PRH1: variants seen among roughly 807,000 people sequenced by gnomAD.
PRH1 encodes proline rich protein HaeIII subfamily 1, also known as salivary acidic proline-rich phosphoprotein 1/2.
A neutral mutation model predicts 7.9 loss-of-function variants in PRH1; 7 were observed. The ratio of observed to expected loss-of-function variants is 0.89; its 90% CI spans 0.50 to 1.67. The LOEUF (loss-of-function observed/expected upper bound fraction) is 1.67. PRH1 is among the 40% of genes most tolerant of loss of function. The pLI is 0.00. For synonymous variants in PRH1, 45 were observed against 80.8 expected (o/e 0.56, Z 2.38); for missense variants, 109 against 223.6 (o/e 0.49, Z 3.27).
In PRH1 at chr12:11,141,438, A is replaced by C. The variant is rs1435372675; in HGVS notation, n.40-20258T>G. Among the ~76,000 whole-genome samples, 3 of 152,270 alleles carry C rather than the reference A, an allele frequency of 2.0e-5. No individual in the cohort carries two copies. The East Asian group carries it at 5.8e-4, about 29-fold the overall frequency. ...ATGGTTTAAGATGAGTAGATGTTAAAATCAGTCTCCAATCTTGGATTTTAT... is the reference window on the plus strand; with the variant it reads ...ATGGTTTAAGATGAGTAGATGTTAACATCAGTCTCCAATCTTGGATTTTAT... On this transcript the variant is annotated intron_variant and non_coding_transcript_variant, in intron 1 of 1. Transcript: ENST00000541175.
chr12:10,989,123 C>T (rs775826288), intron 1 of PRH1, among the ~76,000 whole-genome samples: 1 of 152,132 alleles, frequency 6.6e-6, no homozygotes. Flanking sequence ...TTTCTTTATA[C>T]ATTAACAACT....
intron 2 of PRH1, among the ~76,000 whole-genome samples, chr12:10,922,197 CCTT>C (rs1415273636): frequency 6.6e-6 from 1 of 152,136 alleles, no homozygotes; most frequent in Non-Finnish European, 1.5e-5. Context: ...CATATTAGCT[CCTT>C]CTTAACTTAT....
chr12:11,077,279 C>T (rs1463160312), intron 1 of PRH1: 1 of 236,636 alleles, frequency 4.2e-6, no homozygotes, highest in African/African-American at 2.5e-5. Context: ...AGTTTGTTTT[C>T]TGCTAGAAGA....
chr12:11,019,150 A>T (rs1224895636), intron 1 of PRH1, among the ~76,000 whole-genome samples: 1 of 152,296 alleles, frequency 6.6e-6, no homozygotes, highest in African/African-American at 2.4e-5. Flanking sequence ...AGGGAAATAG[A>T]AGACAGAAGA....
intron 1 of PRH1, among the ~76,000 whole-genome samples, chr12:10,995,734 T>C (rs1193036102): frequency 6.6e-6 from 1 of 152,090 alleles, no homozygotes; most frequent in African/African-American, 2.4e-5. Context: ...AACTGAAATA[T>C]ATAACATCAG....
At chr12:11,060,841 A>G (rs1943566290) in intron 1 of PRH1, among the ~76,000 whole-genome samples, 1 of 152,266 alleles carries the variant, frequency 6.6e-6, no homozygotes, top group South Asian at 2.1e-4. Flanking sequence ...TAAAACCTCA[A>G]AGACACATCC....
At chr12:11,128,119 A>G (rs147157717) in intron 1 of PRH1, among the ~76,000 whole-genome samples, 6 of 151,354 alleles carry the variant, frequency 4.0e-5, no homozygotes, top group East Asian at 3.9e-4. Context: ...TCAAAAAAAA[A>G]AAAAAGAAAA....
At chr12:11,170,021 G>A (rs1947767725) in intron 1 of PRH1, among the ~76,000 whole-genome samples, 1 of 152,336 alleles carries the variant, frequency 6.6e-6, no homozygotes, top group Non-Finnish European at 1.5e-5. Context: ...ACGGTGCGAT[G>A]TGTGGTATCT....
In PRH1 at chr12:11,087,886, G is replaced by C. The variant is rs531501714; in HGVS notation, n.124-40698C>G. On this transcript the variant is annotated intron_variant and non_coding_transcript_variant, in intron 1 of 4. Coordinates refer to the PRH1 transcript ENST00000541977. ...TACTTTTTACCGGGCTTGTGATTTG[G>C]TGAATGGTTCTTAATCTACACCCAT... Among the ~76,000 whole-genome samples, 28 of 115,064 alleles carry C rather than the reference G, an allele frequency of 2.4e-4. 6 individuals carry two copies. The highest frequency in any genetic ancestry group is 5.3e-4 in the African/African-American group (18 of 34,268). The allele number at this position is 115,064 out of a possible 152,430, so 75.5% of individuals were successfully genotyped here.
chr12:11,074,932 G>A (rs1490627780), intron 1 of PRH1, among the ~76,000 whole-genome samples: 57 of 145,704 alleles, frequency 3.9e-4, no homozygotes, highest in African/African-American at 1.3e-3. Context: ...TGATCACCAT[G>A]CTGTCTGTCT....
At chr12:11,032,589 A>C (rs1170229701) in intron 1 of PRH1, among the ~76,000 whole-genome samples, 1 of 152,240 alleles carries the variant, frequency 6.6e-6, no homozygotes, top group East Asian at 1.9e-4. Context: ...GAGGCTGTGC[A>C]GATGAAATTA....
At chr12:10,954,094 C>A (rs1017399388) in intron 2 of PRH1, among the ~76,000 whole-genome samples, 1 of 152,152 alleles carries the variant, frequency 6.6e-6, no homozygotes, top group Admixed American at 6.5e-5. Flanking sequence ...ACCCACCTCA[C>A]AAGAGGTCCT....
intron 1 of PRH1, among the ~76,000 whole-genome samples, chr12:11,125,290 C>T (rs1946076702): frequency 6.6e-6 from 1 of 152,264 alleles, no homozygotes; most frequent in Admixed American, 6.5e-5. Flanking sequence ...GTAAAATTGA[C>T]CTCCAGCAAA....
Position 10,908,793 on chromosome 12 carries a change from A to C in PRH1, c.-58-24518T>G, listed in dbSNP as rs1949847525. The C allele has an allele frequency of 1.9e-6, 3 of 1,614,050 alleles. No individual in the cohort carries two copies. The East Asian group carries it at 6.7e-5, about 36-fold the overall frequency. Reference sequence around the variant, plus strand: ...CACTGAAAATGTTTCAAAGTCACTCATACTGAAATTCCAAGTTGTGTTTCT... The same window carrying C: ...CACTGAAAATGTTTCAAAGTCACTCCTACTGAAATTCCAAGTTGTGTTTCT... On this transcript the variant is annotated intron_variant, in intron 2 of 3. Transcript: ENST00000539853.
At position 10,938,765 on chromosome 12, in the gene PRH1, A is replaced by T. The variant is rs760162445; in HGVS notation, c.-59+34890T>A. On this transcript the variant is annotated intron_variant, in intron 2 of 3. Coordinates refer to the PRH1 transcript ENST00000539853. ...GATACTGGCATTTATATGGATGTTT[A>T]TCAGTGCAATATTTAAAAACAAGAA... The T allele has an allele frequency of 3.1e-6, 5 of 1,613,726 alleles. No individual in the cohort carries two copies. The South Asian group carries it at 4.4e-5, about 14-fold the overall frequency.
At chr12:11,117,325 TA>T (rs1453969119), downstream of PRH1, among the ~76,000 whole-genome samples, 1 of 151,896 alleles carries the variant, frequency 6.6e-6, no homozygotes, top group African/African-American at 2.4e-5. Flanking sequence ...AGGTCACACA[TA>T]AAATTAAATA....
At chr12:11,029,269 T>C (rs966237012) in intron 1 of PRH1, among the ~76,000 whole-genome samples, 1 of 152,272 alleles carries the variant, frequency 6.6e-6, no homozygotes, top group African/African-American at 2.4e-5. Context: ...GAACTTCCTA[T>C]TAAAGAATAT....
chr12:11,068,077 C>T lies in PRH1; in HGVS notation n.124-20889G>A, dbSNP rs1943903762. Among the ~76,000 whole-genome samples, 5 of 151,654 alleles carry T rather than the reference C, an allele frequency of 3.3e-5. No individual in the cohort carries two copies. The South Asian group carries it at 1.0e-3, about 31-fold the overall frequency. On this transcript the variant is annotated intron_variant and non_coding_transcript_variant, in intron 1 of 4. Transcript: ENST00000541977. ...AACTTACATATGGAGCATAATAAAA[C>T]CTAATAAACAGTAAGAGAAAAAATT... is the stretch of plus-strand genomic sequence containing the variant.
chr12:11,083,017 G>T (rs1277411656), intron 1 of PRH1, among the ~76,000 whole-genome samples: 13 of 101,914 alleles, frequency 1.3e-4, no homozygotes, highest in South Asian at 2.6e-4. Flanking sequence ...AATTTTTCTT[G>T]AATATTCAAA....
Sources: gnomAD v4.1 joint callset for allele counts (sites outside exome capture counted in the v4.1 genomes callset) on GRCh38, gnomAD v4.1.1 for gene constraint, MANE v1.5 for transcripts, NCBI Gene and HGNC (gene_info 2026-07-23, HGNC 2026-07-21) for gene names.